Variants in BMP5 observed in about 807,000 individuals in gnomAD.
BMP5 encodes bone morphogenetic protein 5.
In BMP5, 23 loss-of-function variants were observed where a neutral mutation model predicts 46.6. The observed-to-expected ratio is 0.49, with a 90% CI of 0.35 to 0.70. The LOEUF is 0.70. Among genes scored for constraint, BMP5 ranks in the 30% least tolerant of loss-of-function variants. The probability of loss-of-function intolerance (pLI) is 0.00; values close to 1 mark genes in which losing one functional copy is unlikely to be tolerated. For synonymous variants in BMP5, 204 were observed against 191.9 expected (o/e 1.06, Z -0.52); for missense variants, 545 against 565.6 (o/e 0.96, Z 0.37).
chr6:55,760,968 C>T (rs959122597), intron 4 of BMP5, among the ~76,000 whole-genome samples: 2 of 151,964 alleles, frequency 1.3e-5, no homozygotes, highest in African/African-American at 4.8e-5. Context: ...TGGGATCTTA[C>T]TTAGCTGATT....
chr6:55,761,251 C>T (rs894852095), intron 4 of BMP5, among the ~76,000 whole-genome samples: 1 of 152,072 alleles, frequency 6.6e-6, no homozygotes, highest in Non-Finnish European at 1.5e-5. Context: ...GTCCAAGACA[C>T]CATCATCTCT....
chr6:55,806,610 C>T (rs555160912), intron 2 of BMP5, among the ~76,000 whole-genome samples: 41 of 152,064 alleles, frequency 2.7e-4, no homozygotes, highest in African/African-American at 9.2e-4. Flanking sequence ...GTGGGGAATG[C>T]CAATGGTAGT....
Position 55,875,215 on chromosome 6 carries a change from G to T in BMP5, c.-350C>A. 1 of 225,938 alleles carries T rather than the reference G, an allele frequency of 4.4e-6. No homozygotes were observed. The highest frequency in any genetic ancestry group is 8.8e-6 in the Non-Finnish European group (1 of 113,026). The allele number at this position is 225,938 out of a possible 1,614,324, so 14.0% of individuals were successfully genotyped here. On this transcript the variant is annotated 5_prime_UTR_variant, in exon 1 of 7. Coordinates refer to ENST00000370830, the MANE Select transcript of BMP5 (RefSeq NM_021073.4). ...ATGAATTTATGATAATCAGGCCTTTGGTATTTGAATTAGCAAAAGTTGATC... is the reference window on the plus strand; with the variant it reads ...ATGAATTTATGATAATCAGGCCTTTTGTATTTGAATTAGCAAAAGTTGATC...
chr6:55,787,167 C>T (rs934815019), intron 3 of BMP5, among the ~76,000 whole-genome samples: 6 of 151,514 alleles, frequency 4.0e-5, no homozygotes, highest in African/African-American at 1.5e-4. Context: ...CCTCTGACAA[C>T]ACAGAGGCTT....
chr6:55,841,598 T>C (rs181044076), intron 1 of BMP5, among the ~76,000 whole-genome samples: 34 of 130,122 alleles, frequency 2.6e-4, no homozygotes, highest in Non-Finnish European at 4.8e-4. Context: ...GGTCTGGTGG[T>C]GGTGTTTGTT....
chr6:55,794,888 A>AT (rs529812985), intron 2 of BMP5, among the ~76,000 whole-genome samples: 1 of 152,034 alleles, frequency 6.6e-6, no homozygotes, highest in African/African-American at 2.4e-5. Context: ...GTTTTCTAAT[A>AT]TTTTTTCTAT....
intron 2 of BMP5, among the ~76,000 whole-genome samples, chr6:55,816,076 G>A (rs1394359358): frequency 6.6e-6 from 1 of 151,776 alleles, no homozygotes; most frequent in Non-Finnish European, 1.5e-5. Flanking sequence ...TAGAAAACTG[G>A]TATGCCAATC....
intron 1 of BMP5, among the ~76,000 whole-genome samples, chr6:55,865,205 G>A (rs1457558442): frequency 6.6e-6 from 1 of 151,904 alleles, no homozygotes; most frequent in Non-Finnish European, 1.5e-5. Flanking sequence ...ATGAAAATAA[G>A]CATTAAAAAC....
At chr6:55,839,230 T>C (rs1776893042) in intron 1 of BMP5, among the ~76,000 whole-genome samples, 1 of 152,072 alleles carries the variant, frequency 6.6e-6, no homozygotes, top group Non-Finnish European at 1.5e-5. Flanking sequence ...ACTTATTTAT[T>C]TTTATTTTAT....
chr6:55,799,194 A>G (rs571296415), intron 2 of BMP5, among the ~76,000 whole-genome samples: 4 of 152,244 alleles, frequency 2.6e-5, no homozygotes, highest in African/African-American at 9.6e-5. Context: ...CAAGTGCAAT[A>G]CTTTGAATAT....
rs1777859697 is a variant in BMP5, at chr6:55,874,571, ACTCCGACTC to A, written c.286_294del (p.Glu96_Glu98del). The A allele has an allele frequency of 6.2e-7, 1 of 1,613,252 alleles. No homozygotes were observed. The highest frequency in any genetic ancestry group is 8.5e-7 in the Non-Finnish European group (1 of 1,179,682). On this transcript the variant is annotated inframe_deletion, in exon 1 of 7. Coordinates refer to ENST00000370830, the MANE Select transcript of BMP5 (RefSeq NM_021073.4). The stretch of plus-strand genomic sequence containing the variant: ...TCTGCCAAGGATGCCCTTACTGAGT[ACTCCGACTC>A]TTCAGGATTTTCTTCATTGGTCATG...
chr6:55,757,852 T>C (rs1434844257), intron 6 of BMP5, among the ~76,000 whole-genome samples: 1 of 151,996 alleles, frequency 6.6e-6, no homozygotes, highest in African/African-American at 2.4e-5. Flanking sequence ...ATTGCACTTT[T>C]TGGTGTCTAG....
At chr6:55,772,469 A>G (rs1775071322) in intron 4 of BMP5, among the ~76,000 whole-genome samples, 1 of 151,954 alleles carries the variant, frequency 6.6e-6, no homozygotes, top group Non-Finnish European at 1.5e-5. Flanking sequence ...ACTTTTTCTT[A>G]ATACAGTCTG....
chr6:55,811,005 A>G (rs1315369669), intron 2 of BMP5, among the ~76,000 whole-genome samples: 3 of 152,198 alleles, frequency 2.0e-5, no homozygotes, highest in Non-Finnish European at 4.4e-5. Flanking sequence ...TCTAAAATAG[A>G]GCATGATCCC....
intron 1 of BMP5, among the ~76,000 whole-genome samples, chr6:55,827,505 C>T (rs1279302374): frequency 6.6e-6 from 1 of 151,632 alleles, no homozygotes; most frequent in Non-Finnish European, 1.5e-5. Flanking sequence ...TGAAGGTTCA[C>T]AAATTGCCAA....
intron 1 of BMP5, among the ~76,000 whole-genome samples, chr6:55,835,214 C>T (rs1381599631): frequency 1.3e-5 from 2 of 151,990 alleles, no homozygotes; most frequent in Non-Finnish European, 1.5e-5. Context: ...AAGATATTAT[C>T]GAAAAATACT....
intron 4 of BMP5, among the ~76,000 whole-genome samples, chr6:55,764,109 T>C (rs369745810): frequency 3.9e-5 from 6 of 152,150 alleles, no homozygotes; most frequent in Non-Finnish European, 2.9e-5. Context: ...ATCTCACCAC[T>C]GGGTATATAT....
chr6:55,795,759 G>A (rs1464410288), intron 2 of BMP5, among the ~76,000 whole-genome samples: 1 of 152,028 alleles, frequency 6.6e-6, no homozygotes, highest in Non-Finnish European at 1.5e-5. Context: ...TACAAACTAT[G>A]AATGTTTTAT....
At chr6:55,837,376 T>C (rs12200349) in intron 1 of BMP5, among the ~76,000 whole-genome samples, 4,023 of 149,596 alleles carry the variant, frequency 0.027, 52 homozygotes, top group Middle Eastern at 0.061. Context: ...GATAGATAGA[T>C]AGACAGACAG....
Sources: allele counts gnomAD v4.1 joint callset (sites outside exome capture counted in the v4.1 genomes callset), GRCh38; gene constraint gnomAD v4.1.1; transcripts MANE v1.5; gene names NCBI Gene and HGNC (gene_info 2026-07-23, HGNC 2026-07-21).